Variants in LHFPL3 observed in about 807,000 individuals in gnomAD.
LHFPL3 encodes LHFPL tetraspan subfamily member 3.
Under a neutral mutation model 19.3 loss-of-function variants are expected in LHFPL3, and 5 were observed. That is an observed-to-expected ratio of 0.26 (90% CI 0.14 to 0.54). LHFPL3 has a LOEUF of 0.54. Ranked by LOEUF, LHFPL3 falls within the 20% of genes least tolerant of loss-of-function variation. LHFPL3 has a pLI of 0.94. For missense variants in LHFPL3, 249 were observed against 307.4 expected (o/e 0.81, Z 1.42); for synonymous variants, 133 against 126.2 (o/e 1.05, Z -0.36).
chr7:104,682,345 C>T (rs867530316), intron 1 of LHFPL3, among the ~76,000 whole-genome samples: 2 of 152,238 alleles, frequency 1.3e-5, no homozygotes, highest in African/African-American at 2.4e-5. Context: ...TTGTGAGAAA[C>T]GCAGAATCTC....
intron 1 of LHFPL3, among the ~76,000 whole-genome samples, chr7:104,576,029 T>G (rs900891359): frequency 6.6e-6 from 1 of 152,166 alleles, no homozygotes; most frequent in Non-Finnish European, 1.5e-5. Context: ...TCCTTAGAAC[T>G]GCAGTGCCTA....
chr7:104,751,390 G>T (rs1301883063), intron 2 of LHFPL3, among the ~76,000 whole-genome samples: 3 of 151,090 alleles, frequency 2.0e-5, no homozygotes, highest in Non-Finnish European at 4.4e-5. Flanking sequence ...CTGGGTCTTG[G>T]ATTTTTTCCC....
intron 2 of LHFPL3, among the ~76,000 whole-genome samples, chr7:104,865,389 T>A (rs1284372000): frequency 1.3e-5 from 2 of 152,066 alleles, no homozygotes; most frequent in East Asian, 1.9e-4. Context: ...AAGGACCTGA[T>A]GGAGCTGAAA....
At chr7:104,391,870 G>T (rs1351196064) in intron 1 of LHFPL3, among the ~76,000 whole-genome samples, 2 of 152,120 alleles carry the variant, frequency 1.3e-5, no homozygotes, top group Non-Finnish European at 2.9e-5. Flanking sequence ...TTGAGCAATG[G>T]TTTGTAATTC....
chr7:104,768,697 G>A (rs1340937838), intron 2 of LHFPL3: 1 of 152,122 alleles, frequency 6.6e-6, no homozygotes, highest in Non-Finnish European at 1.5e-5. Context: ...TTATTTCCAG[G>A]AACAGAATAC....
chr7:104,406,219 T>C (rs1791410020), intron 1 of LHFPL3, among the ~76,000 whole-genome samples: 1 of 152,204 alleles, frequency 6.6e-6, no homozygotes, highest in African/African-American at 2.4e-5. Context: ...GTAATTGTGC[T>C]CCAGGTACAT....
At chr7:104,420,100 C>A (rs1416128324) in intron 1 of LHFPL3, among the ~76,000 whole-genome samples, 1 of 152,146 alleles carries the variant, frequency 6.6e-6, no homozygotes, top group Non-Finnish European at 1.5e-5. Flanking sequence ...GTGGAAGACC[C>A]CACCTGCCTA....
At chr7:104,354,227 T>C (rs73421558) in intron 1 of LHFPL3, among the ~76,000 whole-genome samples, 3,293 of 152,356 alleles carry the variant, frequency 0.022, 134 homozygotes, top group African/African-American at 0.075. Flanking sequence ...TGGCTCGTTA[T>C]TGCTGACGAC....
chr7:104,779,751 TTGATAGAACA>T (rs1161579153), intron 2 of LHFPL3, among the ~76,000 whole-genome samples: 4 of 152,342 alleles, frequency 2.6e-5, no homozygotes, highest in Admixed American at 2.6e-4. Flanking sequence ...ACTGCCAAAC[TTGATAGAACA>T]TGATAGAACT....
At chr7:104,527,725 G>A (rs985786082) in intron 1 of LHFPL3, among the ~76,000 whole-genome samples, 1 of 152,138 alleles carries the variant, frequency 6.6e-6, no homozygotes, top group Non-Finnish European at 1.5e-5. Flanking sequence ...GACCCAAGAA[G>A]GACCCTTTGA....
chr7:104,863,513 G>T lies in LHFPL3; in HGVS notation c.683-42674G>T, dbSNP rs1791655894. ...TTGGGATCTGCATAGCAAAAACCCT[G>T]AGCTGCCTCAGGACAGCTTGTGATC... is the stretch of plus-strand genomic sequence containing the variant. On this transcript the variant is annotated intron_variant, in intron 2 of 2. Coordinates refer to ENST00000424859, the MANE Select transcript of LHFPL3 (RefSeq NM_199000.3). 2.0e-5 allele frequency among the ~76,000 whole-genome samples: 3 copies of T among 152,200 alleles called. No individual in the cohort carries two copies. The South Asian group carries it at 6.2e-4, about 32-fold the overall frequency.
At chr7:104,342,282 G>A (rs778656683) in intron 1 of LHFPL3, among the ~76,000 whole-genome samples, 9 of 152,044 alleles carry the variant, frequency 5.9e-5, no homozygotes, top group Admixed American at 3.3e-4. Context: ...GTTTCTGCAG[G>A]TGCCTGAACT....
At chr7:104,514,202 GTC>G (rs1793876672) in intron 1 of LHFPL3, among the ~76,000 whole-genome samples, 1 of 151,636 alleles carries the variant, frequency 6.6e-6, no homozygotes, top group Non-Finnish European at 1.5e-5. Flanking sequence ...CTCTTTCTTT[GTC>G]TCTCTCTCCA....
At chr7:104,602,928 C>T (rs1415972314) in intron 1 of LHFPL3, among the ~76,000 whole-genome samples, 1 of 152,078 alleles carries the variant, frequency 6.6e-6, no homozygotes, top group East Asian at 1.9e-4. Flanking sequence ...ACTCCCATGA[C>T]AATTAACCTA....
chr7:104,577,461 C>T (rs558754689), intron 1 of LHFPL3, among the ~76,000 whole-genome samples: 2 of 152,040 alleles, frequency 1.3e-5, no homozygotes, highest in East Asian at 2.0e-4. Flanking sequence ...AATATATATA[C>T]ACACACACGT....
At chr7:104,482,960 G>A (rs1046153903) in intron 1 of LHFPL3, among the ~76,000 whole-genome samples, 5 of 152,208 alleles carry the variant, frequency 3.3e-5, no homozygotes, top group Non-Finnish European at 7.3e-5. Flanking sequence ...ACGTACGTGG[G>A]ATTTCAGGAA....
chr7:104,734,097 A>T (rs1014503645), intron 1 of LHFPL3, among the ~76,000 whole-genome samples: 2 of 152,186 alleles, frequency 1.3e-5, no homozygotes, highest in African/African-American at 4.8e-5. Flanking sequence ...ATCAGCTGTT[A>T]GTCTGATGGG....
chr7:104,548,208 CCT>C (rs1322417602), intron 1 of LHFPL3, among the ~76,000 whole-genome samples: 1 of 152,074 alleles, frequency 6.6e-6, no homozygotes, highest in Non-Finnish European at 1.5e-5. Flanking sequence ...ATGCAGTTTT[CCT>C]CTCTGTCTTG....
intron 1 of LHFPL3, among the ~76,000 whole-genome samples, chr7:104,358,584 A>C (rs1446429029): frequency 1.3e-5 from 2 of 152,230 alleles, no homozygotes; most frequent in Non-Finnish European, 2.9e-5. Flanking sequence ...GGCTTTACTT[A>C]GACAACTTGA....
Sources: allele counts gnomAD v4.1 joint callset (sites outside exome capture counted in the v4.1 genomes callset), GRCh38; gene constraint gnomAD v4.1.1; transcripts MANE v1.5; gene names NCBI Gene and HGNC (gene_info 2026-07-23, HGNC 2026-07-21).